SCN3B: variants seen among roughly 807,000 people sequenced by gnomAD.
The protein encoded by SCN3B is sodium channel regulatory subunit beta-3.
A neutral mutation model predicts 25.4 loss-of-function variants in SCN3B; 11 were observed. The ratio of observed to expected loss-of-function variants is 0.43; its 90% CI spans 0.27 to 0.72. The LOEUF (loss-of-function observed/expected upper bound fraction) is 0.72, where lower values mean the gene tolerates loss of function less well. SCN3B is among the 30% of genes least tolerant of loss of function. The pLI, the probability that SCN3B is intolerant of heterozygous loss-of-function variation, is 0.18. For missense variants in SCN3B, 218 were observed against 278.3 expected (o/e 0.78, Z 1.54); for synonymous variants, 109 against 110.7 (o/e 0.99, Z 0.09).
intron 4 of SCN3B, chr11:123,640,295 A>C (rs2137238705): frequency 6.6e-6 from 1 of 152,374 alleles, no homozygotes; most frequent in African/African-American, 2.4e-5. Context: ...AGCTGTCCTC[A>C]GTATTTTTAG....
At position 123,632,891 on chromosome 11, in the gene SCN3B, C is replaced by T; in HGVS notation, c.*908G>A. 6.6e-6 allele frequency: 1 copy of T among 152,194 alleles called. No individual in the cohort carries two copies. The highest frequency in any genetic ancestry group is 1.9e-4 in the East Asian group (1 of 5,194). The allele number at this position is 152,194 out of a possible 1,614,324, so 9.4% of individuals were successfully genotyped here. A position where few individuals can be genotyped will look rare whatever the true frequency, so the allele number is the denominator to read the frequency against. On this transcript the variant is annotated 3_prime_UTR_variant, in exon 7 of 7. Coordinates refer to ENST00000299333, the MANE Select transcript of SCN3B (RefSeq NM_001040151.2). ...TTCTGCTCCAGTTTATCCTCTTAAG[C>T]CTCTTATTCAGTTGAGCCCTGTATG...
chr11:123,648,729 C>A (rs1279299789), intron 2 of SCN3B, among the ~76,000 whole-genome samples: 1 of 152,158 alleles, frequency 6.6e-6, no homozygotes, highest in Admixed American at 6.5e-5. Context: ...GAAGGCATGT[C>A]AAACACAGGA....
chr11:123,650,511 AC>A (rs2137253338), intron 2 of SCN3B, among the ~76,000 whole-genome samples: 1 of 152,326 alleles, frequency 6.6e-6, no homozygotes, highest in East Asian at 1.9e-4. Flanking sequence ...ACGAAAGATC[AC>A]CAGGGGAAGA....
chr11:123,644,801 ATATATATAT>A (rs1460624129), intron 3 of SCN3B, among the ~76,000 whole-genome samples: 385 of 22,994 alleles, frequency 0.017, 3 homozygotes, highest in African/African-American at 0.055. Flanking sequence ...GAGAGAGAGA[ATATATATAT>A]ATATATATAT....
At position 123,647,062 on chromosome 11, in the gene SCN3B, A is replaced by C. The variant is rs141201271; in HGVS notation, c.56-1312T>G. Among the ~76,000 whole-genome samples, 328 of 152,292 alleles carry C rather than the reference A, an allele frequency of 2.2e-3. 2 individuals carry two copies. The highest frequency in any genetic ancestry group is 3.5e-3 in the Non-Finnish European group (237 of 68,012). On this transcript the variant is annotated intron_variant, in intron 2 of 6. Transcript: ENST00000299333. ...AAATTTGATTCTGCCCAACCCTAAA[A>C]GTTATAAGAAAAAAATAAGTTTAAT...
Position 123,631,072 on chromosome 11 carries a change from TAA to T in SCN3B, c.*2725_*2726del, listed in dbSNP as rs1294018629. 1 of 152,216 alleles carries T rather than the reference TAA, an allele frequency of 6.6e-6. No homozygotes were observed. Among genetic ancestry groups the T allele is most frequent in the East Asian group, 1.9e-4 (1 of 5,204 alleles). 9.4% of individuals were successfully genotyped at this position (152,216 alleles called of 1,614,324 possible). A position where few individuals can be genotyped will look rare whatever the true frequency, so the allele number is the denominator to read the frequency against. On this transcript the variant is annotated 3_prime_UTR_variant, in exon 7 of 7. Transcript: ENST00000299333. ...AAAATAGTTAAGTGAAAATACTTCG[TAA>T]ACCATATAGTTCTAATGAAAGTGTC...
intron 3 of SCN3B, among the ~76,000 whole-genome samples, chr11:123,644,800 A>AATATATATATATATAT (rs56135097): frequency 2.2e-5 from 1 of 45,578 alleles, no homozygotes; most frequent in Non-Finnish European, 4.1e-5. Flanking sequence ...AGAGAGAGAG[A>AATATATATATATATAT]ATATATATAT....
In SCN3B at chr11:123,642,955, G is replaced by T. The variant is rs980902315; in HGVS notation, c.220-284C>A. Among the ~76,000 whole-genome samples the T allele has an allele frequency of 1.3e-5, 2 of 152,018 alleles. No homozygotes were observed. Among genetic ancestry groups the T allele is most frequent in the Admixed American group, 6.6e-5 (1 of 15,258 alleles). On this transcript the variant is annotated intron_variant, in intron 3 of 6. Coordinates refer to ENST00000299333, the MANE Select transcript of SCN3B (RefSeq NM_001040151.2). The surrounding 1 kb of genome is among the most constrained non-coding windows in gnomAD (Gnocchi z 4.3). ...CCACGGGCGTGTAGGAAGAAGCTTG[G>T]CAGAAAAAAAGGGGTGGAAAGAGGG...
chr11:123,639,556 T>C (rs2137237611), intron 4 of SCN3B: 1 of 152,330 alleles, frequency 6.6e-6, no homozygotes, highest in East Asian at 1.9e-4. Context: ...TTTTATACTT[T>C]TAGTAGAGAC....
chr11:123,630,937 C>A lies in SCN3B; in HGVS notation c.*2862G>T, dbSNP rs962903951. Reference sequence around the variant, plus strand: ...GTCAGAAGACCTGGATTCTTGCTGTCTACCTACCAGCTAGGTTTCCTTATA... The same window carrying A: ...GTCAGAAGACCTGGATTCTTGCTGTATACCTACCAGCTAGGTTTCCTTATA... On this transcript the variant is annotated 3_prime_UTR_variant, in exon 7 of 7. Transcript: ENST00000299333. 1 of 152,212 alleles carries A rather than the reference C, an allele frequency of 6.6e-6. No homozygotes were observed. The highest frequency in any genetic ancestry group is 1.5e-5 in the Non-Finnish European group (1 of 68,034). 9.4% of individuals were successfully genotyped at this position (152,212 alleles called of 1,614,324 possible). A position where few individuals can be genotyped will look rare whatever the true frequency, so the allele number is the denominator to read the frequency against.
chr11:123,638,798 T>C, intron 4 of SCN3B: 3 of 215,236 alleles, frequency 1.4e-5, no homozygotes, highest in Non-Finnish European at 2.8e-5. Flanking sequence ...TGCCTCTGTC[T>C]TTTGAGCTGC....
At position 123,654,297 on chromosome 11, in the gene SCN3B, CCTAA is replaced by C. The variant is rs1765840473; in HGVS notation, c.-101_-98del. 1 of 173,318 alleles carries C rather than the reference CCTAA, an allele frequency of 5.8e-6. No homozygotes were observed. The highest frequency in any genetic ancestry group is 2.4e-5 in the African/African-American group (1 of 42,012). The allele number at this position is 173,318 out of a possible 1,614,324, so 10.7% of individuals were successfully genotyped here. A position where few individuals can be genotyped will look rare whatever the true frequency, so the allele number is the denominator to read the frequency against. On this transcript the variant is annotated 5_prime_UTR_variant, in exon 1 of 7. Coordinates refer to ENST00000299333, the MANE Select transcript of SCN3B (RefSeq NM_001040151.2). ...GCCCCGCGGCTCCTGCTTCGTCCGC[CCTAA>C]CTGCTTCTCCAGCTGGGCGTGACCC...
chr11:123,644,786 AGAGAGAGAGAGAGAAT>A (rs1955828392), intron 3 of SCN3B, among the ~76,000 whole-genome samples: 1 of 97,442 alleles, frequency 1.0e-5, no homozygotes, highest in Non-Finnish European at 2.0e-5. Context: ...AGAGAGAGAG[AGAGAGAGAGAGAGAAT>A]ATATATATAT....
chr11:123,634,030 A>G, intron 6 of SCN3B, 91 bp downstream of exon 6: 1 of 1,073,584 alleles, frequency 9.3e-7, no homozygotes, highest in South Asian at 1.3e-5. Flanking sequence ...TAAGGGACCA[A>G]ATTTAAAGTC....
chr11:123,643,601 A>C (rs1356198423), intron 3 of SCN3B, among the ~76,000 whole-genome samples: 1 of 152,262 alleles, frequency 6.6e-6, no homozygotes, highest in East Asian at 1.9e-4. Flanking sequence ...CAGATAGAGA[A>C]GGTTTCCACC....
In SCN3B at chr11:123,642,319, GATGTCACCATTCCAAATAC is replaced by G; in HGVS notation, c.445+108_445+126del. Reference sequence around the variant, plus strand: ...AGATGGGTCAATGGTGACATTTTTAGATGTCACCATTCCAAATACATGGGTTTTTGCACTCTTTAAGGGC... The same window carrying G: ...AGATGGGTCAATGGTGACATTTTTAGATGGGTTTTTGCACTCTTTAAGGGC... On this transcript the variant is annotated intron_variant, in intron 4 of 6. Transcript: ENST00000299333. This position sits in a 1 kb window ranked among gnomAD's most constrained non-coding sequence, Gnocchi z 4.3. 1.1e-6 allele frequency: 1 copy of G among 871,398 alleles called. No homozygotes were observed. The highest frequency in any genetic ancestry group is 1.9e-6 in the Non-Finnish European group (1 of 529,104). The allele number at this position is 871,398 out of a possible 1,614,324, so 54.0% of individuals were successfully genotyped here. A position where few individuals can be genotyped will look rare whatever the true frequency, so the allele number is the denominator to read the frequency against.
chr11:123,641,604 C>A (rs932383395), intron 4 of SCN3B, among the ~76,000 whole-genome samples: 31 of 152,250 alleles, frequency 2.0e-4, no homozygotes, highest in Middle Eastern at 3.4e-3. Context: ...AAGGCTGGAA[C>A]TCCCCCCTCA....
intron 5 of SCN3B, among the ~76,000 whole-genome samples, chr11:123,636,299 C>T (rs1227958832): frequency 1.3e-5 from 2 of 151,942 alleles, no homozygotes; most frequent in Admixed American, 1.3e-4. Flanking sequence ...CTTCCTTGTC[C>T]TAATAGTATT....
At chr11:123,641,418 G>A (rs71490081) in intron 4 of SCN3B, among the ~76,000 whole-genome samples, 7,120 of 152,220 alleles carry the variant, frequency 0.047, 219 homozygotes, top group Middle Eastern at 0.092. Flanking sequence ...CTGAATCTCC[G>A]CTTCATTATT....
Sources: gnomAD v4.1 joint callset for allele counts (sites outside exome capture counted in the v4.1 genomes callset) on GRCh38, gnomAD v4.1.1 for gene constraint, Gnocchi (gnomAD v3.1) non-coding constraint, MANE v1.5 for transcripts, NCBI Gene and HGNC (gene_info 2026-07-23, HGNC 2026-07-21) for gene names.